Variants in ZFPM2 observed in about 807,000 individuals in gnomAD.
ZFPM2 encodes the protein zinc finger protein, FOG family member 2, also known as zinc finger protein ZFPM2.
A neutral mutation model predicts 98.6 loss-of-function variants in ZFPM2; 20 were observed. That is an observed-to-expected ratio of 0.20 (90% CI 0.14 to 0.29). The LOEUF is 0.29. Among genes scored for constraint, ZFPM2 ranks in the 10% least tolerant of loss-of-function variants. The pLI is 1.00. For synonymous variants in ZFPM2, 518 were observed against 502.7 expected (o/e 1.03, Z -0.41); for missense variants, 1,310 against 1,388.6 (o/e 0.94, Z 0.90).
intron 1 of ZFPM2, among the ~76,000 whole-genome samples, chr8:105,330,583 T>TATATATATATATAC (rs1563606682): frequency 7.6e-4 from 32 of 42,256 alleles, no homozygotes; most frequent in African/African-American, 2.9e-3. Context: ...TATATATACA[T>TATATATATATATAC]ATATATATAT....
chr8:105,488,962 T>A (rs1195952492), intron 3 of ZFPM2, among the ~76,000 whole-genome samples: 1 of 152,190 alleles, frequency 6.6e-6, no homozygotes, highest in Non-Finnish European at 1.5e-5. Flanking sequence ...ATTGGAAAAC[T>A]CATTTTCTTC....
At chr8:105,414,421 A>G (rs930009060) in intron 1 of ZFPM2, among the ~76,000 whole-genome samples, 2 of 152,030 alleles carry the variant, frequency 1.3e-5, no homozygotes, top group African/African-American at 4.8e-5. Flanking sequence ...TTGTTGTTCC[A>G]TTTATAGTAG....
At chr8:105,344,080 A>G (rs1374346075) in intron 1 of ZFPM2, among the ~76,000 whole-genome samples, 2 of 152,064 alleles carry the variant, frequency 1.3e-5, no homozygotes, top group Non-Finnish European at 2.9e-5. Flanking sequence ...CATCTATCAG[A>G]TCTCATGAGA....
intron 4 of ZFPM2, among the ~76,000 whole-genome samples, chr8:105,622,728 GA>G (rs1318640719): frequency 6.6e-6 from 1 of 152,128 alleles, no homozygotes; most frequent in Non-Finnish European, 1.5e-5. Context: ...GCTCCAGAAT[GA>G]AGACAAGTGA....
intron 5 of ZFPM2, among the ~76,000 whole-genome samples, chr8:105,718,834 A>G (rs1337916420): frequency 6.6e-6 from 1 of 151,888 alleles, no homozygotes. Context: ...TCATTTCATT[A>G]TGTTTGAGTA....
chr8:105,604,710 G>A (rs756129392), intron 4 of ZFPM2, among the ~76,000 whole-genome samples: 1 of 152,002 alleles, frequency 6.6e-6, no homozygotes, highest in Non-Finnish European at 1.5e-5. Context: ...TCACTCCTTG[G>A]CTTCATTCAG....
chr8:105,648,316 C>T (rs1282680393), intron 5 of ZFPM2, among the ~76,000 whole-genome samples: 2 of 152,158 alleles, frequency 1.3e-5, no homozygotes, highest in African/African-American at 4.8e-5. Flanking sequence ...AATGTTCTCC[C>T]ATTCTGTAGG....
At chr8:105,758,747 G>A (rs1422580308) in intron 5 of ZFPM2, among the ~76,000 whole-genome samples, 1 of 151,992 alleles carries the variant, frequency 6.6e-6, no homozygotes, top group East Asian at 1.9e-4. Context: ...CCAAATATAA[G>A]AGTGTTATAG....
chr8:105,588,239 G>T (rs912364585), intron 4 of ZFPM2, among the ~76,000 whole-genome samples: 7 of 151,982 alleles, frequency 4.6e-5, no homozygotes, highest in Middle Eastern at 3.2e-3. Flanking sequence ...ACATATATCG[G>T]GCAGAGACAT....
chr8:105,714,794 G>A (rs1811479207), intron 5 of ZFPM2, among the ~76,000 whole-genome samples: 1 of 151,798 alleles, frequency 6.6e-6, no homozygotes, highest in Non-Finnish European at 1.5e-5. Context: ...TTCGTTTATT[G>A]TTTTGTTCCT....
chr8:105,321,350 AC>A (rs962182240), intron 1 of ZFPM2, among the ~76,000 whole-genome samples: 4 of 152,218 alleles, frequency 2.6e-5, no homozygotes, highest in African/African-American at 9.6e-5. Flanking sequence ...CAACACTGTT[AC>A]TTTTGATGTT....
intron 5 of ZFPM2, among the ~76,000 whole-genome samples, chr8:105,675,167 G>T (rs1441455378): frequency 6.6e-6 from 1 of 152,124 alleles, no homozygotes. Flanking sequence ...AGGCATTGGT[G>T]CTCAAAAAAT....
intron 4 of ZFPM2, among the ~76,000 whole-genome samples, chr8:105,607,247 T>G (rs1816214963): frequency 6.6e-6 from 1 of 152,158 alleles, no homozygotes; most frequent in African/African-American, 2.4e-5. Flanking sequence ...TTCCTTCCAT[T>G]AGTTGATACC....
At chr8:105,743,007 A>G (rs1365202470) in intron 5 of ZFPM2, among the ~76,000 whole-genome samples, 2 of 152,148 alleles carry the variant, frequency 1.3e-5, no homozygotes, top group Non-Finnish European at 1.5e-5. Context: ...CAAATGATCT[A>G]GAAGTCTTGA....
intron 5 of ZFPM2, among the ~76,000 whole-genome samples, chr8:105,660,321 C>T (rs1459999404): frequency 6.6e-6 from 1 of 152,138 alleles, no homozygotes; most frequent in Non-Finnish European, 1.5e-5. Context: ...AACTCCATCT[C>T]AGCTGCATTT....
chr8:105,468,661 A>G lies in ZFPM2; in HGVS notation c.301+24280A>G, dbSNP rs967065665. 3.9e-5 allele frequency among the ~76,000 whole-genome samples: 6 copies of G among 152,058 alleles called. No individual in the cohort carries two copies. In the South Asian group the frequency reaches 6.2e-4, roughly 16 times the overall value. ...AGATAGTCTTTATGCCCTATACCTA[A>G]ATCACCAGGAAAAATAATAGCTTAA... On this transcript the variant is annotated intron_variant, in intron 3 of 7. Transcript: ENST00000407775.
At chr8:105,355,418 G>A (rs1179464970) in intron 1 of ZFPM2, among the ~76,000 whole-genome samples, 3 of 152,040 alleles carry the variant, frequency 2.0e-5, no homozygotes. Context: ...TTCATGTTGG[G>A]TAATAGTTTT....
Position 105,693,987 on chromosome 8 carries a change from T to C in ZFPM2, c.532+59630T>C, listed in dbSNP as rs1483692722. On this transcript the variant is annotated intron_variant, in intron 5 of 7. Coordinates refer to ENST00000407775, the MANE Select transcript of ZFPM2 (RefSeq NM_012082.4). Reference sequence around the variant, plus strand: ...CTTTTCTTTTTTTCTTTTCTTTTTTTTTTTTTTTTTTTTTTGAGATGGAGT... The same window carrying C: ...CTTTTCTTTTTTTCTTTTCTTTTTTCTTTTTTTTTTTTTTTGAGATGGAGT... Among the ~76,000 whole-genome samples the C allele has an allele frequency of 1.5e-3, 122 of 79,624 alleles. 1 individual carries two copies. The highest frequency in any genetic ancestry group is 4.4e-3 in the African/African-American group (116 of 26,570). 52.2% of individuals were successfully genotyped at this position (79,624 alleles called of 152,430 possible).
intron 5 of ZFPM2, among the ~76,000 whole-genome samples, chr8:105,756,693 AGG>A (rs886626262): frequency 2.0e-5 from 3 of 152,086 alleles, no homozygotes; most frequent in African/African-American, 7.2e-5. Flanking sequence ...AAGACGGGAG[AGG>A]GGGAAAATGC....
Sources: allele counts gnomAD v4.1 joint callset (sites outside exome capture counted in the v4.1 genomes callset), GRCh38; gene constraint gnomAD v4.1.1; transcripts MANE v1.5; gene names NCBI Gene and HGNC (gene_info 2026-07-23, HGNC 2026-07-21).